The following LMX1B variants were observed in gnomAD, a reference collection of about 807,000 sequenced individuals.
LMX1B encodes LIM homeobox transcription factor 1-beta.
A neutral mutation model predicts 51.4 loss-of-function variants in LMX1B; 12 were observed. The ratio of observed to expected loss-of-function variants is 0.23; its 90% CI spans 0.15 to 0.38. The LOEUF is 0.38. Ranked by LOEUF, LMX1B falls within the 10% of genes least tolerant of loss-of-function variation. The probability of loss-of-function intolerance (pLI) is 1.00; values close to 1 mark genes in which losing one functional copy is unlikely to be tolerated. For missense variants in LMX1B, 445 were observed against 571.1 expected (o/e 0.78, Z 2.25); for synonymous variants, 237 against 235.4 (o/e 1.01, Z -0.06).
intron 2 of LMX1B, among the ~76,000 whole-genome samples, chr9:126,680,822 G>A (rs144182818): frequency 3.6e-4 from 55 of 152,298 alleles, no homozygotes; most frequent in African/African-American, 1.2e-3. Context: ...AAAGCCCTTC[G>A]CACAGTGCCT....
intron 2 of LMX1B, chr9:126,640,656 G>A (rs1835792469): frequency 6.6e-6 from 1 of 152,346 alleles, no homozygotes; most frequent in South Asian, 2.1e-4. Flanking sequence ...GGTAGGTGTG[G>A]GAGCATGGCC....
At chr9:126,642,823 G>A (rs957797658) in intron 2 of LMX1B, among the ~76,000 whole-genome samples, 1 of 152,184 alleles carries the variant, frequency 6.6e-6, no homozygotes, top group Non-Finnish European at 1.5e-5. Context: ...GGGTGGAAGG[G>A]AAAATGGACT....
In LMX1B at chr9:126,614,537, A is replaced by T; in HGVS notation, c.88A>T (p.Met30Leu). 6.2e-7 allele frequency: 1 copy of T among 1,604,202 alleles called. No individual in the cohort carries two copies. The highest frequency in any genetic ancestry group is 8.5e-7 in the Non-Finnish European group (1 of 1,176,370). ...CGCCAAGATGTTGGACGGCATCAAG[A>T]TGGAGGAGCACGCCCTGCGCCCCGG... ...DCAKMLDGIK[M>L]EEHALRPGPA... Residue 30 changes from methionine to leucine, a missense_variant, in exon 1 of 8, where the codon ATG (methionine) becomes TTG (leucine). Met to Leu is a conservative substitution (Grantham distance 15). This residue lies in a region of LMX1B where 273 missense variants were observed against 343.3 expected (regional missense o/e 0.80). Coordinates refer to ENST00000373474, the MANE Select transcript of LMX1B (RefSeq NM_001174147.2).
At chr9:126,624,563 GC>G (rs1308421493) in intron 2 of LMX1B, among the ~76,000 whole-genome samples, 4 of 152,152 alleles carry the variant, frequency 2.6e-5, no homozygotes, top group Non-Finnish European at 5.9e-5. Flanking sequence ...CAACCAGGCG[GC>G]CCGAAAGCCG....
chr9:126,683,168 C>T (rs1284844279), intron 2 of LMX1B, among the ~76,000 whole-genome samples: 1 of 150,974 alleles, frequency 6.6e-6, no homozygotes, highest in Non-Finnish European at 1.5e-5. Flanking sequence ...GGCCCCGACG[C>T]GGCGAGGAGG....
intron 2 of LMX1B, among the ~76,000 whole-genome samples, chr9:126,651,161 C>CTCTCTCCCTCCT (rs1284589513): frequency 3.3e-5 from 5 of 152,052 alleles, no homozygotes; most frequent in African/African-American, 1.2e-4. Context: ...CCATCTCTCT[C>CTCTCTCCCTCCT]TCTCTCCCTC....
At chr9:126,694,693 G>A (rs549361599) in intron 6 of LMX1B, among the ~76,000 whole-genome samples, 10 of 152,182 alleles carry the variant, frequency 6.6e-5, no homozygotes, top group Non-Finnish European at 1.2e-4. Context: ...TGGGGGCCAG[G>A]CCAGTGTCCC....
chr9:126,693,100 G>A, intron 3 of LMX1B, 42 bp from the exon 4 acceptor site: 1 of 1,539,418 alleles, frequency 6.5e-7, no homozygotes, highest in Non-Finnish European at 8.8e-7. Flanking sequence ...GGCCTGGGCT[G>A]CCCCCGCCCC....
At chr9:126,661,359 G>T (rs2118923576) in intron 2 of LMX1B, among the ~76,000 whole-genome samples, 1 of 152,282 alleles carries the variant, frequency 6.6e-6, no homozygotes, top group East Asian at 1.9e-4. Context: ...CAGGAACTCT[G>T]TCTGTCGGGG....
At chr9:126,666,748 T>C (rs546235890) in intron 2 of LMX1B, among the ~76,000 whole-genome samples, 182 of 152,216 alleles carry the variant, frequency 1.2e-3, no homozygotes, top group African/African-American at 4.1e-3. Context: ...TGATGCAGTT[T>C]GATTTTCATT....
At chr9:126,662,678 C>T (rs762061412) in intron 2 of LMX1B, among the ~76,000 whole-genome samples, 6 of 152,210 alleles carry the variant, frequency 3.9e-5, no homozygotes, top group Admixed American at 6.5e-5. Flanking sequence ...AGCCGGTGGG[C>T]GGCCTGTTGG....
At chr9:126,636,763 TCACC>T (rs767814199) in intron 2 of LMX1B, among the ~76,000 whole-genome samples, 1 of 152,142 alleles carries the variant, frequency 6.6e-6, no homozygotes, top group Non-Finnish European at 1.5e-5. Context: ...AGGTCAGGGC[TCACC>T]CAGCATCCGG....
intron 2 of LMX1B, among the ~76,000 whole-genome samples, chr9:126,657,228 T>C (rs1564157311): frequency 6.6e-6 from 1 of 152,204 alleles, no homozygotes; most frequent in African/African-American, 2.4e-5. Flanking sequence ...AAGGTAGACA[T>C]CACCAGCTTG....
At chr9:126,650,770 C>T (rs1207858079) in intron 2 of LMX1B, among the ~76,000 whole-genome samples, 2 of 152,242 alleles carry the variant, frequency 1.3e-5, no homozygotes, top group Non-Finnish European at 2.9e-5. Flanking sequence ...ACTTGCTGCG[C>T]ATCCTTTCTG....
intron 2 of LMX1B, among the ~76,000 whole-genome samples, chr9:126,624,053 G>C (rs1357038383): frequency 6.6e-6 from 1 of 152,262 alleles, no homozygotes; most frequent in African/African-American, 2.4e-5. Flanking sequence ...GCCCGGATTT[G>C]GGAACCGCGC....
At chr9:126,628,219 G>T (rs1465066515) in intron 2 of LMX1B, among the ~76,000 whole-genome samples, 1 of 152,186 alleles carries the variant, frequency 6.6e-6, no homozygotes, top group African/African-American at 2.4e-5. Flanking sequence ...CCTGGCTGGG[G>T]ACTCAGAGGG....
intron 2 of LMX1B, among the ~76,000 whole-genome samples, chr9:126,642,558 T>C (rs1277529711): frequency 6.6e-6 from 1 of 152,206 alleles, no homozygotes; most frequent in Non-Finnish European, 1.5e-5. Flanking sequence ...CTGGAGGGGC[T>C]GGCCCTGCCT....
At chr9:126,663,311 G>T (rs1474008651) in intron 2 of LMX1B, among the ~76,000 whole-genome samples, 2 of 151,678 alleles carry the variant, frequency 1.3e-5, no homozygotes, top group African/African-American at 4.9e-5. Flanking sequence ...TGTAGTCCCA[G>T]CTACTCAGGA....
At chr9:126,692,847 C>T (rs1042668587) in intron 3 of LMX1B, among the ~76,000 whole-genome samples, 3 of 152,220 alleles carry the variant, frequency 2.0e-5, no homozygotes, top group African/African-American at 4.8e-5. Flanking sequence ...TTGTCCGAGG[C>T]GCACCTGTGT....
Sources: gnomAD v4.1 joint callset for allele counts (sites outside exome capture counted in the v4.1 genomes callset) on GRCh38, gnomAD v4.1.1 for gene constraint, gnomAD v4.1.1 regional missense constraint, MANE v1.5 for transcripts, NCBI Gene and HGNC (gene_info 2026-07-23, HGNC 2026-07-21) for gene names.